ZNF804B: variants seen among roughly 807,000 people sequenced by gnomAD.
The protein encoded by ZNF804B is zinc finger 804B.
A neutral mutation model predicts 101.4 loss-of-function variants in ZNF804B; 80 were observed. The observed-to-expected ratio is 0.79, with a 90% CI of 0.66 to 0.95. The LOEUF (loss-of-function observed/expected upper bound fraction) is 0.95. Among genes scored for constraint, ZNF804B ranks in the 40% least tolerant of loss-of-function variants. The pLI, the probability that ZNF804B is intolerant of heterozygous loss-of-function variation, is 0.00. For missense variants in ZNF804B, 1,673 were observed against 1,561.9 expected, an observed-to-expected ratio of 1.07 and a Z score of -1.20; for synonymous variants, 622 against 558.8, an observed-to-expected ratio of 1.11 and a Z score of -1.59.
intron 1 of ZNF804B, among the ~76,000 whole-genome samples, chr7:88,830,048 G>A (rs1456712062): frequency 6.6e-6 from 1 of 152,038 alleles, no homozygotes; most frequent in African/African-American, 2.4e-5. Flanking sequence ...CTGACGTTTT[G>A]CCATGGTGTG....
chr7:88,892,989 C>T (rs1334561653), intron 1 of ZNF804B, among the ~76,000 whole-genome samples: 1 of 151,956 alleles, frequency 6.6e-6, no homozygotes, highest in Non-Finnish European at 1.5e-5. Flanking sequence ...ATTTTTTAAA[C>T]TTAGTTTATT....
At chr7:89,061,906 T>G (rs1358605152) in intron 1 of ZNF804B, among the ~76,000 whole-genome samples, 1 of 152,124 alleles carries the variant, frequency 6.6e-6, no homozygotes, top group Non-Finnish European at 1.5e-5. Flanking sequence ...CCTCCTCTTC[T>G]GTATACTATA....
In ZNF804B at chr7:89,316,931, A is replaced by C. The variant is rs150203408; in HGVS notation, c.250-10413A>C. 2.3e-3 allele frequency among the ~76,000 whole-genome samples: 356 copies of C among 152,318 alleles called. 2 individuals carry two copies. The highest frequency in any genetic ancestry group is 8.3e-3 in the African/African-American group (345 of 41,570). On this transcript the variant is annotated intron_variant, in intron 2 of 3. Transcript: ENST00000333190. Reference sequence around the variant, plus strand: ...AACCCTCCCACATTCTGGATTCTGCATGAGTTTAAAGGCAAAGATCTTTTG... The same window carrying C: ...AACCCTCCCACATTCTGGATTCTGCCTGAGTTTAAAGGCAAAGATCTTTTG...
intron 2 of ZNF804B, among the ~76,000 whole-genome samples, chr7:89,271,869 A>G (rs943825738): frequency 5.3e-5 from 8 of 152,038 alleles, no homozygotes; most frequent in Admixed American, 4.6e-4. Context: ...AGGTGTTTTT[A>G]GTATTCTCTA....
chr7:89,007,124 A>T (rs1233174668), intron 1 of ZNF804B, among the ~76,000 whole-genome samples: 1 of 152,046 alleles, frequency 6.6e-6, no homozygotes. Context: ...CTGCAGAGGA[A>T]AGCTTGGCAG....
At chr7:89,309,188 T>A (rs901778056) in intron 2 of ZNF804B, among the ~76,000 whole-genome samples, 1 of 152,064 alleles carries the variant, frequency 6.6e-6, no homozygotes, top group African/African-American at 2.4e-5. Flanking sequence ...CCCATCTCTG[T>A]GTCCATGTGT....
intron 1 of ZNF804B, among the ~76,000 whole-genome samples, chr7:89,145,759 G>T (rs912111771): frequency 2.0e-5 from 3 of 151,896 alleles, no homozygotes; most frequent in African/African-American, 7.3e-5. Flanking sequence ...TCCCTAAATA[G>T]TTCAGAGACA....
intron 1 of ZNF804B, among the ~76,000 whole-genome samples, chr7:88,866,446 G>A (rs1024705670): frequency 3.9e-5 from 6 of 152,124 alleles, no homozygotes; most frequent in Admixed American, 2.0e-4. Flanking sequence ...TTTCTCTTTT[G>A]AGGCATTCAG....
intron 1 of ZNF804B, among the ~76,000 whole-genome samples, chr7:88,891,345 C>T (rs925028703): frequency 1.3e-5 from 2 of 152,008 alleles, no homozygotes; most frequent in African/African-American, 4.8e-5. Context: ...TTATTTCTAA[C>T]AAATATTTTA....
At chr7:89,242,558 C>T (rs1789387501) in intron 2 of ZNF804B, among the ~76,000 whole-genome samples, 1 of 151,414 alleles carries the variant, frequency 6.6e-6, no homozygotes, top group Non-Finnish European at 1.5e-5. Flanking sequence ...CAACATTTAA[C>T]TTGCTAATGG....
chr7:89,031,197 A>ATG (rs139314633), intron 1 of ZNF804B, among the ~76,000 whole-genome samples: 65,984 of 149,442 alleles, frequency 0.44, 15,320 homozygotes, highest in Middle Eastern at 0.53. Flanking sequence ...GTATATATAT[A>ATG]TATGTGTGTG....
chr7:88,820,534 T>C (rs2115758313), intron 1 of ZNF804B, among the ~76,000 whole-genome samples: 1 of 152,278 alleles, frequency 6.6e-6, no homozygotes, highest in South Asian at 2.1e-4. Flanking sequence ...CATGGGGACT[T>C]GATCTGAATT....
chr7:88,910,374 TC>T (rs1405178359), intron 1 of ZNF804B, among the ~76,000 whole-genome samples: 1 of 151,884 alleles, frequency 6.6e-6, no homozygotes, highest in Non-Finnish European at 1.5e-5. Context: ...AGCAGAAACT[TC>T]CTTGGAATGC....
intron 2 of ZNF804B, among the ~76,000 whole-genome samples, chr7:89,286,801 A>AGTT (rs1299607628): frequency 1.3e-5 from 2 of 152,224 alleles, no homozygotes; most frequent in Non-Finnish European, 2.9e-5. Context: ...ACTAAAGAAA[A>AGTT]TGGCAGAAAT....
intron 1 of ZNF804B, among the ~76,000 whole-genome samples, chr7:88,845,287 G>A (rs1036954687): frequency 2.1e-4 from 24 of 115,178 alleles, no homozygotes; most frequent in African/African-American, 6.6e-4. Flanking sequence ...GCGCACGCGC[G>A]CGCGCACGCG....
At chr7:88,791,040 T>C (rs1030990710) in intron 1 of ZNF804B, among the ~76,000 whole-genome samples, 1 of 152,116 alleles carries the variant, frequency 6.6e-6, no homozygotes, top group Non-Finnish European at 1.5e-5. Context: ...CTTTTTAATA[T>C]GTTCAGTGAC....
At chr7:89,189,038 T>C (rs899773960) in intron 1 of ZNF804B, among the ~76,000 whole-genome samples, 3 of 152,092 alleles carry the variant, frequency 2.0e-5, no homozygotes, top group Non-Finnish European at 4.4e-5. Flanking sequence ...ATATACAACT[T>C]TCATAGCTAA....
rs188410285 is a variant in ZNF804B, at chr7:88,996,410, C to T, written c.109-221745C>T. Reference sequence around the variant, plus strand: ...GTTCTTCTCTTATGTTCTTGTTTACCGGCTCTTGATTGCAATTCTTCCTTA... The same window carrying T: ...GTTCTTCTCTTATGTTCTTGTTTACTGGCTCTTGATTGCAATTCTTCCTTA... On this transcript the variant is annotated intron_variant, in intron 1 of 3. Transcript: ENST00000333190. Among the ~76,000 whole-genome samples the T allele has an allele frequency of 2.2e-3, 333 of 152,050 alleles. 2 individuals are homozygous for T. Among genetic ancestry groups the T allele is most frequent in the African/African-American group, 7.2e-3 (297 of 41,492 alleles).
chr7:89,137,853 C>T (rs375915069), intron 1 of ZNF804B, among the ~76,000 whole-genome samples: 1 of 151,970 alleles, frequency 6.6e-6, no homozygotes, highest in Non-Finnish European at 1.5e-5. Flanking sequence ...CATCACACAC[C>T]GAGAGGCCTA....
Sources: gnomAD v4.1 joint callset for allele counts (sites outside exome capture counted in the v4.1 genomes callset) on GRCh38, gnomAD v4.1.1 for gene constraint, MANE v1.5 for transcripts, NCBI Gene and HGNC (gene_info 2026-07-23, HGNC 2026-07-21) for gene names.